Variants in CHN2 observed in about 807,000 individuals in gnomAD.
The protein encoded by CHN2 is chimerin 2.
CHN2 carries 35 observed loss-of-function variants against 56.3 expected under a neutral mutation model. The observed-to-expected ratio is 0.62, with a 90% CI of 0.47 to 0.82. The LOEUF is 0.82. Ranked by LOEUF, CHN2 falls within the 40% of genes least tolerant of loss-of-function variation. The pLI, the probability that CHN2 is intolerant of heterozygous loss-of-function variation, is 0.00. For missense variants in CHN2, 491 were observed against 580.5 expected (o/e 0.85, Z 1.58); for synonymous variants, 210 against 212.8 (o/e 0.99, Z 0.12).
At chr7:29,390,318 G>A (rs1048330283) in intron 3 of CHN2, among the ~76,000 whole-genome samples, 4 of 152,070 alleles carry the variant, frequency 2.6e-5, no homozygotes, top group Non-Finnish European at 5.9e-5. Flanking sequence ...TCACTTCTTG[G>A]AGTCAGAGCA....
intron 1 of CHN2, among the ~76,000 whole-genome samples, chr7:29,201,204 C>T (rs1161653873): frequency 6.6e-6 from 1 of 152,094 alleles, no homozygotes; most frequent in African/African-American, 2.4e-5. Context: ...AAGGAGGAAC[C>T]TTGGTAGTTG....
At chr7:29,487,684 C>T (rs1351949101) in intron 7 of CHN2, among the ~76,000 whole-genome samples, 1 of 151,960 alleles carries the variant, frequency 6.6e-6, no homozygotes, top group Non-Finnish European at 1.5e-5. Context: ...TTCTAACTCC[C>T]TCCCTCTTTC....
At chr7:29,264,432 A>G (rs1177852611) in intron 1 of CHN2, among the ~76,000 whole-genome samples, 1 of 152,252 alleles carries the variant, frequency 6.6e-6, no homozygotes, top group Non-Finnish European at 1.5e-5. Flanking sequence ...TGTAGAAAGA[A>G]GTAGACCTGG....
intron 1 of CHN2, among the ~76,000 whole-genome samples, chr7:29,220,406 C>T (rs1230004082): frequency 2.0e-5 from 3 of 151,648 alleles, no homozygotes; most frequent in East Asian, 1.9e-4. Flanking sequence ...ATAATTGATA[C>T]ATCTCTAGCA....
intron 1 of CHN2, among the ~76,000 whole-genome samples, chr7:29,217,893 G>A (rs994806745): frequency 1.4e-4 from 21 of 152,142 alleles, no homozygotes; most frequent in African/African-American, 4.6e-4. Flanking sequence ...TCCTGGATTT[G>A]AAGGAACTGA....
chr7:29,451,220 C>T (rs925698498), intron 6 of CHN2, among the ~76,000 whole-genome samples: 5 of 152,146 alleles, frequency 3.3e-5, no homozygotes, highest in African/African-American at 1.2e-4. Flanking sequence ...AGATTTTTGT[C>T]TATTATGATG....
At chr7:29,358,089 G>A (rs1372949128) in intron 2 of CHN2, among the ~76,000 whole-genome samples, 4 of 152,116 alleles carry the variant, frequency 2.6e-5, no homozygotes, top group Non-Finnish European at 5.9e-5. Context: ...CATAGGACTT[G>A]GTTTAAAAAT....
At chr7:29,434,021 C>T (rs992882405) in intron 6 of CHN2, among the ~76,000 whole-genome samples, 1 of 152,126 alleles carries the variant, frequency 6.6e-6, no homozygotes, top group Non-Finnish European at 1.5e-5. Context: ...GTGCACCAAC[C>T]TCTGAGGATC....
intron 1 of CHN2, among the ~76,000 whole-genome samples, chr7:29,297,035 T>C (rs1793216876): frequency 6.6e-6 from 1 of 152,050 alleles, no homozygotes; most frequent in African/African-American, 2.4e-5. Context: ...TTAGTTCAGG[T>C]AAAGACAGGG....
intron 5 of CHN2, among the ~76,000 whole-genome samples, chr7:29,400,024 C>T (rs538681838): frequency 1.3e-3 from 199 of 152,088 alleles, no homozygotes; most frequent in African/African-American, 4.4e-3. Flanking sequence ...CCAACTAGGG[C>T]GGAAGGCATG....
chr7:29,271,497 A>G lies in CHN2; in HGVS notation c.49+76507A>G, dbSNP rs554276341. ...GTGTCTGTTTGGCTGGGTGCCTCCT[A>G]AGAGCCCCTCTGGTGAATCCTTCCT... On this transcript the variant is annotated intron_variant, in intron 1 of 12. Coordinates refer to ENST00000222792, the MANE Select transcript of CHN2 (RefSeq NM_004067.4). Among the ~76,000 whole-genome samples, 5 of 152,244 alleles carry G rather than the reference A, an allele frequency of 3.3e-5. No individual in the cohort carries two copies. In the South Asian group the frequency reaches 1.0e-3, roughly 32 times the overall value.
rs118170790 is a variant in CHN2 at position 29,463,490 on chromosome 7, G to A, written c.577-16789G>A. ...TCGGCTTTTGTGCTTTTACCAGAGC[G>A]CAACAGTTTTCTGGAAGTGCTCAGG... On this transcript the variant is annotated intron_variant, in intron 6 of 12. Transcript: ENST00000222792. Among the ~76,000 whole-genome samples, 68 of 152,260 alleles carry A rather than the reference G, an allele frequency of 4.5e-4. No individual in the cohort carries two copies. The East Asian group carries it at 8.5e-3, about 19-fold the overall frequency.
At chr7:29,212,643 A>G in intron 1 of CHN2, 1 of 1,423,272 alleles carries the variant, frequency 7.0e-7, no homozygotes, top group Non-Finnish European at 9.9e-7. Flanking sequence ...GATAGATTTC[A>G]GAGACAGAAA....
chr7:29,185,193 T>C (rs1268896852), intron 2 of CHN2, among the ~76,000 whole-genome samples: 1 of 152,210 alleles, frequency 6.6e-6, no homozygotes, highest in Non-Finnish European at 1.5e-5. Flanking sequence ...TTCTTTATGA[T>C]TGAGAAATGA....
intron 3 of CHN2, among the ~76,000 whole-genome samples, chr7:29,388,004 A>T (rs3793273): frequency 3.9e-5 from 6 of 152,088 alleles, no homozygotes; most frequent in African/African-American, 1.2e-4. Flanking sequence ...TATTGTGAAA[A>T]GATTGCTATT....
At chr7:29,275,071 C>G (rs1417210935) in intron 1 of CHN2, among the ~76,000 whole-genome samples, 3 of 152,176 alleles carry the variant, frequency 2.0e-5, no homozygotes, top group Non-Finnish European at 4.4e-5. Context: ...AGCATTCTCT[C>G]TCTGCCCCCT....
chr7:29,195,960 A>T (rs1783675858), intron 1 of CHN2, among the ~76,000 whole-genome samples: 1 of 152,186 alleles, frequency 6.6e-6, no homozygotes, highest in Admixed American at 6.5e-5. Flanking sequence ...ACCCAAAGGG[A>T]TAGCTGATAA....
At chr7:29,324,463 G>A (rs951758361) in intron 1 of CHN2, among the ~76,000 whole-genome samples, 2 of 152,268 alleles carry the variant, frequency 1.3e-5, no homozygotes, top group South Asian at 2.1e-4. Context: ...TAGGGGTTGG[G>A]TTAGTTCAGC....
Position 29,236,304 on chromosome 7 carries a change from C to T in CHN2, c.49+41314C>T, listed in dbSNP as rs1353710560. Reference sequence around the variant, plus strand: ...TCTTGGATTTCTCCAATAGTGGATCCTGACTATTCTTACAAGTTCCCCTAT... The same window carrying T: ...TCTTGGATTTCTCCAATAGTGGATCTTGACTATTCTTACAAGTTCCCCTAT... On this transcript the variant is annotated intron_variant, in intron 1 of 12. Coordinates refer to ENST00000222792, the MANE Select transcript of CHN2 (RefSeq NM_004067.4). Among the ~76,000 whole-genome samples the T allele has an allele frequency of 2.0e-5, 3 of 152,186 alleles. No individual in the cohort carries two copies. The East Asian group carries it at 5.8e-4, about 29-fold the overall frequency.
Sources: gnomAD v4.1 joint callset for allele counts (sites outside exome capture counted in the v4.1 genomes callset) on GRCh38, gnomAD v4.1.1 for gene constraint, MANE v1.5 for transcripts, NCBI Gene and HGNC (gene_info 2026-07-23, HGNC 2026-07-21) for gene names.